Variants in NHSL2 observed in about 807,000 individuals in gnomAD.
The protein encoded by NHSL2 is NHS-like protein 2.
In NHSL2, 27 loss-of-function variants were observed where a neutral mutation model predicts 53.4. That is an observed-to-expected ratio of 0.51 (90% confidence interval 0.37 to 0.70). NHSL2 has a LOEUF of 0.70. Among genes scored for constraint, NHSL2 ranks in the 30% least tolerant of loss-of-function variants. The pLI is 0.00. For missense variants in NHSL2, 892 were observed against 980.1 expected (o/e 0.91, Z 1.20); for synonymous variants, 408 against 404.1 (o/e 1.01, Z -0.12).
intron 1 of NHSL2, among the ~76,000 whole-genome samples, chrX:71,945,793 A>G (rs1402467570): frequency 9.0e-6 from 1 of 111,684 alleles, no homozygotes; most frequent in Non-Finnish European, 1.9e-5. Context: ...GCCCAGCAAT[A>G]GCTGCCATTT....
chrX:71,947,407 T>A (rs1478035117), intron 1 of NHSL2, among the ~76,000 whole-genome samples: 3 of 112,483 alleles, frequency 2.7e-5, no homozygotes, highest in Non-Finnish European at 3.7e-5. Flanking sequence ...CCGCATCAAA[T>A]GTTAAGGAAC....
chrX:71,964,395 A>G (rs2041892088), intron 1 of NHSL2, among the ~76,000 whole-genome samples: 2 of 109,555 alleles, frequency 1.8e-5, no homozygotes, highest in African/African-American at 6.7e-5. Context: ...ACATGAACTC[A>G]TCCTTTTTTA....
intron 1 of NHSL2, among the ~76,000 whole-genome samples, chrX:71,928,265 G>T (rs1011614044): frequency 2.7e-5 from 3 of 111,951 alleles, no homozygotes; most frequent in African/African-American, 6.5e-5. Context: ...CTGCAGGATT[G>T]TATAGGACTG....
Position 72,062,383 on chromosome X carries a change from G to T in NHSL2, c.281-69696G>T, listed in dbSNP as rs150748350. ...GATTAGCACAGTAGTACATATATAT[G>T]GTTTATACATAAATATGTATATATG... On this transcript the variant is annotated intron_variant, in intron 1 of 7. Coordinates refer to ENST00000633930, the MANE Select transcript of NHSL2 (RefSeq NM_001013627.3). 5.9e-3 allele frequency among the ~76,000 whole-genome samples: 660 copies of T among 112,203 alleles called. 7 individuals are homozygous for T. The highest frequency in any genetic ancestry group is 0.02 in the African/African-American group (627 of 30,868).
At chrX:72,026,336 G>A (rs2042185550) in intron 1 of NHSL2, among the ~76,000 whole-genome samples, 1 of 112,380 alleles carries the variant, frequency 8.9e-6, no homozygotes, top group East Asian at 2.8e-4. Flanking sequence ...AGATTCTAAA[G>A]TGGAGACAAA....
chrX:72,142,331 G>C lies in NHSL2; in HGVS notation c.3323G>C (p.Arg1108Pro), dbSNP rs1440318133. The C allele has an allele frequency of 8.6e-7, 1 of 1,161,431 alleles. No homozygotes were observed. ...GATGATGACGTGTTTGTGGCTTCAC[G>C]CACAACTGAAGATTTATTTACTGTG... The part of the protein sequence containing the change: ...EDDDDVFVAS[R>P]TTEDLFTVIH... The change falls in exon 7 of 8, where the codon CGC becomes CCC. Residue 1108 changes from arginine (R) to proline (P), a missense_variant. Arg to Pro is a moderately radical substitution (Grantham distance 103, BLOSUM62 -2). Transcript: ENST00000633930.
intron 1 of NHSL2, 167 bp from the exon 2 acceptor site, chrX:72,131,912 C>G (rs1290333063): frequency 8.4e-6 from 4 of 476,550 alleles, no homozygotes; most frequent in Non-Finnish European, 1.4e-5. Context: ...CAGGATCTGT[C>G]GAGGAAAAAT....
In NHSL2 at chrX:72,139,331, G is replaced by T. The variant is rs749091825; in HGVS notation, c.1783G>T (p.Asp595Tyr). The T allele has an allele frequency of 5.0e-6, 6 of 1,208,335 alleles. No homozygotes were observed. The Admixed American group carries it at 1.3e-4, about 26-fold the overall frequency. ...TGAAGGTGGGTCAGCACTACCCAAG[G>T]ACCAGAGGCCCAAGAGCCTTTGCCT... ...LPEGGSALPKDQRPKSLCLSL... is the reference protein window; with the variant it reads ...LPEGGSALPKYQRPKSLCLSL... Residue 595 changes from aspartate to tyrosine, a missense_variant, in exon 6 of 8, where the codon GAC becomes TAC. Physicochemically the swap from Asp to Tyr is radical, Grantham distance 160 (BLOSUM62 -3). Transcript: ENST00000633930.
chrX:72,105,410 A>G (rs979614824), intron 1 of NHSL2, among the ~76,000 whole-genome samples: 1 of 111,449 alleles, frequency 9.0e-6, no homozygotes, highest in African/African-American at 3.3e-5. Context: ...TCCCAGGGAC[A>G]GGGAGTCAGG....
intron 1 of NHSL2, among the ~76,000 whole-genome samples, chrX:71,959,087 A>T (rs904300270): frequency 1.8e-5 from 2 of 112,350 alleles, no homozygotes; most frequent in Non-Finnish European, 3.8e-5. Flanking sequence ...TCCTTGTGCC[A>T]CCATGAAGAA....
At chrX:72,018,699 C>T (rs866427225) in intron 1 of NHSL2, among the ~76,000 whole-genome samples, 1 of 112,620 alleles carries the variant, frequency 8.9e-6, no homozygotes, top group Admixed American at 9.2e-5. Context: ...TGGAAGCAGC[C>T]GGGCCCCCGC....
At chrX:72,082,824 AG>A (rs2041804295) in intron 1 of NHSL2, among the ~76,000 whole-genome samples, 1 of 112,161 alleles carries the variant, frequency 8.9e-6, no homozygotes, top group Admixed American at 9.4e-5. Flanking sequence ...CAGGCTGAAG[AG>A]CGCAGCAGTT....
chrX:72,055,094 T>G (rs72630033), intron 1 of NHSL2, among the ~76,000 whole-genome samples: 12,748 of 111,297 alleles, frequency 0.11, 1,186 homozygotes, highest in African/African-American at 0.31. Context: ...CTTCAAGTAT[T>G]GGAGGCTACC....
chrX:72,039,159 T>TTTC (rs2042259992), intron 1 of NHSL2, among the ~76,000 whole-genome samples: 1 of 105,438 alleles, frequency 9.5e-6, no homozygotes, highest in Non-Finnish European at 1.9e-5. Context: ...TCCTTGTCTC[T>TTTC]CTTTATTTCA....
chrX:72,092,004 A>G (rs1361805275), intron 1 of NHSL2, among the ~76,000 whole-genome samples: 2 of 111,300 alleles, frequency 1.8e-5, no homozygotes, highest in African/African-American at 3.3e-5. Context: ...ACACACACAC[A>G]CGCACCAAGA....
Position 72,137,182 on chromosome X carries a change from G to A in NHSL2, c.849G>A (p.Arg283=), listed in dbSNP as rs1378577359. The change falls in exon 5 of 8, where the codon AGG becomes AGA. Residue 283 remains arginine (R), a synonymous_variant. Coordinates refer to ENST00000633930, the MANE Select transcript of NHSL2 (RefSeq NM_001013627.3). The stretch of plus-strand genomic sequence containing the variant: ...ACCCCAAGTCCACCCTGAGGCGGAG[G>A]CGGACCATTATTGGATTCTCTAACT... ...AVNPKSTLRR[R]RTIIGFSNFS... The A allele has an allele frequency of 8.6e-7, 1 of 1,166,751 alleles. No homozygotes were observed.
intron 1 of NHSL2, among the ~76,000 whole-genome samples, chrX:71,918,243 C>T (rs1364448241): frequency 8.9e-6 from 1 of 111,758 alleles, no homozygotes; most frequent in African/African-American, 3.3e-5. Flanking sequence ...ATTTATGCCC[C>T]TGCTTTTCTG....
intron 1 of NHSL2, among the ~76,000 whole-genome samples, chrX:72,038,226 G>A (rs2042251526): frequency 8.9e-6 from 1 of 112,056 alleles, no homozygotes; most frequent in Non-Finnish European, 1.9e-5. Flanking sequence ...TGTGGTCTGA[G>A]ATGCCGCAAT....
rs1252634839 is a variant in NHSL2, at chrX:72,145,404, C to A, written c.*1830C>A. The A allele has an allele frequency of 8.9e-6, 1 of 112,406 alleles. No homozygotes were observed. Among genetic ancestry groups the A allele is most frequent in the Non-Finnish European group, 1.9e-5 (1 of 53,315 alleles). 9.3% of individuals were successfully genotyped at this position (112,406 alleles called of 1,213,427 possible). ...GACTTCTGGAAACAGGCCAGGCCCA[C>A]CAACTCCCTTGCAACCAGCACTTCG... On this transcript the variant is annotated 3_prime_UTR_variant, in exon 8 of 8. Transcript: ENST00000633930.
Sources: allele counts gnomAD v4.1 joint callset (sites outside exome capture counted in the v4.1 genomes callset), GRCh38; gene constraint gnomAD v4.1.1; transcripts MANE v1.5; gene names NCBI Gene and HGNC (gene_info 2026-07-23, HGNC 2026-07-21).